The following PLRG1 variants were observed in gnomAD, a reference collection of about 807,000 sequenced individuals.
PLRG1 encodes the protein pleiotropic regulator 1.
A neutral mutation model predicts 74.9 loss-of-function variants in PLRG1; 28 were observed. The ratio of observed to expected loss-of-function variants is 0.37; its 90% CI spans 0.28 to 0.51. The LOEUF (loss-of-function observed/expected upper bound fraction) is 0.51. PLRG1 is among the 20% of genes least tolerant of loss of function. The pLI, the probability that PLRG1 is intolerant of heterozygous loss-of-function variation, is 0.91. For missense variants in PLRG1, 445 were observed against 631.9 expected (o/e 0.70, Z 3.17); for synonymous variants, 197 against 212.4 (o/e 0.93, Z 0.63).
chr4:154,542,095 G>A, intron 8 of PLRG1, 92 bp downstream of exon 8: 1 of 767,798 alleles, frequency 1.3e-6, no homozygotes, highest in Non-Finnish European at 2.3e-6. Context: ...CAGAGGAACT[G>A]CAATAGCAAT....
chr4:154,547,101 T>G (rs2111109994), intron 3 of PLRG1, 37 bp from the exon 4 acceptor site: 1 of 1,435,040 alleles, frequency 7.0e-7, no homozygotes. Flanking sequence ...GTAGTGAATT[T>G]ACCTTATACA....
rs977811845 is a variant in PLRG1 at position 154,550,305 on chromosome 4, C to A, written c.4G>T (p.Val2Phe). Residue 2 changes from valine to phenylalanine, a missense_variant, in exon 1 of 15, where the codon GTC (valine) becomes TTC (phenylalanine). Transcript: ENST00000499023. ...GAGCCCCAGTGTCACTTTACCTCGA[C>A]CATGATGCTACCGTGTATCCCACCT... is the stretch of plus-strand genomic sequence containing the variant. The part of the protein sequence containing the change: M[V>F]EEVQKHSVHT... The A allele has an allele frequency of 6.2e-7, 1 of 1,613,626 alleles. No homozygotes were observed. The highest frequency in any genetic ancestry group is 8.5e-7 in the Non-Finnish European group (1 of 1,179,570).
In PLRG1 at chr4:154,544,466, G is replaced by T; in HGVS notation, c.573C>A (p.His191Gln). The change falls in exon 7 of 15, where the codon CAC becomes CAA. Residue 191 changes from histidine to glutamine, a missense_variant. Physicochemically the swap from His to Gln is conservative, Grantham distance 24. This residue lies in a region of PLRG1 where 206 missense variants were observed against 210.8 expected (regional missense o/e 0.98). Coordinates refer to ENST00000499023, the MANE Select transcript of PLRG1 (RefSeq NM_002669.4). ...TCACCCTGTAGAGTTTCCACGGTGG[G>T]TGCCACTGGGGTTTTGGCATTGTAG... Reference protein sequence around the residue: ...KAPTMPKPQWHPPWKLYRVIS... With the variant: ...KAPTMPKPQWQPPWKLYRVIS... 6.2e-7 allele frequency: 1 copy of T among 1,604,506 alleles called. No homozygotes were observed. Among genetic ancestry groups the T allele is most frequent in the Non-Finnish European group, 8.5e-7 (1 of 1,171,380 alleles).
chr4:154,538,102 T>A lies in PLRG1; in HGVS notation c.1158A>T (p.Thr386=), dbSNP rs774090887. ...RAVVLHPRHY[T]FASGSPDNIK... ...TGTTATCTGGAGAACCAGATGCAAA[T>A]GTGTAACTGAAATAATATTAAAAAG... The change falls in exon 13 of 15, where the codon ACA becomes ACT. Residue 386 remains threonine (T), a synonymous_variant. Coordinates refer to ENST00000499023, the MANE Select transcript of PLRG1 (RefSeq NM_002669.4). The A allele has an allele frequency of 1.3e-5, 19 of 1,439,978 alleles. No individual in the cohort carries two copies. The highest frequency in any genetic ancestry group is 1.6e-5 in the Non-Finnish European group (17 of 1,056,852). 89.2% of individuals were successfully genotyped at this position (1,439,978 alleles called of 1,614,324 possible). A position where few individuals can be genotyped will look rare whatever the true frequency, so the allele number is the denominator to read the frequency against.
chr4:154,539,091 G>A lies in PLRG1; in HGVS notation c.1151+14C>T. ...TGAAGAAAAACAAGAAGCTAATTAG[G>A]AAAATACACTTACTGTCTTGGATGT... On this transcript the variant is annotated intron_variant, in intron 12 of 14. Transcript: ENST00000499023. 1 of 1,416,964 alleles carries A rather than the reference G, an allele frequency of 7.1e-7. No homozygotes were observed. The highest frequency in any genetic ancestry group is 1.0e-6 in the Non-Finnish European group (1 of 1,000,336). The allele number at this position is 1,416,964 out of a possible 1,614,324, so 87.8% of individuals were successfully genotyped here. A position where few individuals can be genotyped will look rare whatever the true frequency, so the allele number is the denominator to read the frequency against.
chr4:154,549,921 C>T (rs1729727990), intron 1 of PLRG1: 2 of 423,562 alleles, frequency 4.7e-6, no homozygotes, highest in East Asian at 1.1e-4. Flanking sequence ...TAAGAGACGA[C>T]CTGAACGCAA....
intron 6 of PLRG1, among the ~76,000 whole-genome samples, chr4:154,545,633 T>C (rs1729636806): frequency 6.6e-6 from 1 of 152,152 alleles, no homozygotes; most frequent in Admixed American, 6.5e-5. Context: ...TCAAAATATA[T>C]ATTACACACA....
chr4:154,550,383 G>C lies in PLRG1; in HGVS notation c.-75C>G, dbSNP rs981493566. The C allele has an allele frequency of 1.4e-6, 2 of 1,432,774 alleles. No individual in the cohort carries two copies. Among genetic ancestry groups the C allele is most frequent in the Admixed American group, 1.7e-5 (1 of 59,354 alleles). 88.8% of individuals were successfully genotyped at this position (1,432,774 alleles called of 1,614,324 possible). On this transcript the variant is annotated 5_prime_UTR_variant, in exon 1 of 15. Coordinates refer to ENST00000499023, the MANE Select transcript of PLRG1 (RefSeq NM_002669.4). ...ACGCAGTACCCGCCGCCACAGCTGT[G>C]CAGCACCTTCCGGAATTGGGCGCCC...
intron 14 of PLRG1, 35 bp downstream of exon 14, chr4:154,537,251 T>C: frequency 1.4e-6 from 2 of 1,389,662 alleles, no homozygotes; most frequent in Non-Finnish European, 2.0e-6. Context: ...TTGGTATAGC[T>C]GTTTTACTTA....
At chr4:154,542,136 C>T in intron 8 of PLRG1, 51 bp downstream of exon 8, 1 of 1,140,882 alleles carries the variant, frequency 8.8e-7, no homozygotes. Context: ...ACTGATTAAA[C>T]TTACATGACA....
At chr4:154,548,804 A>G (rs746609098) in intron 2 of PLRG1, 25 bp downstream of exon 2, 2 of 1,153,106 alleles carry the variant, frequency 1.7e-6, no homozygotes, top group Non-Finnish European at 2.6e-6. Context: ...TATTTTAGCA[A>G]TTGAAAAAAA....
chr4:154,536,886 G>A, intron 14 of PLRG1, 142 bp from the exon 15 acceptor site: 1 of 548,218 alleles, frequency 1.8e-6, no homozygotes, highest in East Asian at 3.0e-5. Context: ...AGGAAGAGTT[G>A]ATAAACTTCT....
rs758240486 is a variant in PLRG1, at chr4:154,540,102, T to C, written c.940-49A>G. 3 of 976,230 alleles carry C rather than the reference T, an allele frequency of 3.1e-6. No individual in the cohort carries two copies. The South Asian group carries it at 3.9e-5, about 13-fold the overall frequency. The allele number at this position is 976,230 out of a possible 1,614,324, so 60.5% of individuals were successfully genotyped here. On this transcript the variant is annotated intron_variant, in intron 10 of 14. Coordinates refer to ENST00000499023, the MANE Select transcript of PLRG1 (RefSeq NM_002669.4). ...TAGGAAAGAGAATAGGTATTCATTA[T>C]CTCAAGAAGATAACTGGATCAATTC...
chr4:154,538,100 A>T lies in PLRG1; in HGVS notation c.1160T>A (p.Phe387Tyr). ...AVVLHPRHYT[F>Y]ASGSPDNIKQ... is the part of the protein sequence containing the mutation. ...TATGTTATCTGGAGAACCAGATGCAAATGTGTAACTGAAATAATATTAAAA... is the reference window on the plus strand; with the variant it reads ...TATGTTATCTGGAGAACCAGATGCATATGTGTAACTGAAATAATATTAAAA... The change falls in exon 13 of 15, where the codon TTT (phenylalanine) becomes TAT (tyrosine). Residue 387 changes from phenylalanine to tyrosine, a missense_variant. Physicochemically the swap from Phe to Tyr is conservative, Grantham distance 22. Transcript: ENST00000499023. 1 of 1,449,462 alleles carries T rather than the reference A, an allele frequency of 6.9e-7. No homozygotes were observed. Among genetic ancestry groups the T allele is most frequent in the Non-Finnish European group, 9.4e-7 (1 of 1,062,074 alleles). 89.8% of individuals were successfully genotyped at this position (1,449,462 alleles called of 1,614,324 possible). A position where few individuals can be genotyped will look rare whatever the true frequency, so the allele number is the denominator to read the frequency against.
chr4:154,546,574 A>C (rs1407963040), intron 4 of PLRG1: 1 of 292,912 alleles, frequency 3.4e-6, no homozygotes, highest in African/African-American at 2.2e-5. Flanking sequence ...AGAAACACCC[A>C]ATTTCCCTGT....
intron 1 of PLRG1, chr4:154,549,583 ACTATTACAACAGC>A (rs1178854625): frequency 1.6e-5 from 7 of 425,278 alleles, no homozygotes; most frequent in Non-Finnish European, 3.3e-5. Flanking sequence ...GGTCTTTTAG[ACTATTACAACAGC>A]CTATATTTTG....
chr4:154,550,021 C>T (rs1484686728), intron 1 of PLRG1, among the ~76,000 whole-genome samples: 3 of 152,306 alleles, frequency 2.0e-5, no homozygotes, highest in Middle Eastern at 3.4e-3. Context: ...CCAACAGAGG[C>T]CCCGCCTCCG....
chr4:154,547,427 A>G, intron 3 of PLRG1: 1 of 504,834 alleles, frequency 2.0e-6, no homozygotes, highest in Non-Finnish European at 3.5e-6. Context: ...GTGTCCTCAC[A>G]GGTTAAGAAT....
chr4:154,539,037 C>T, intron 12 of PLRG1, 68 bp downstream of exon 12: 1 of 918,702 alleles, frequency 1.1e-6, no homozygotes, highest in South Asian at 1.3e-5. Context: ...GTGCTAACAC[C>T]ACTAGCATTT....
Sources: gnomAD v4.1 joint callset for allele counts (sites outside exome capture counted in the v4.1 genomes callset) on GRCh38, gnomAD v4.1.1 for gene constraint, gnomAD v4.1.1 regional missense constraint, MANE v1.5 for transcripts, NCBI Gene and HGNC (gene_info 2026-07-23, HGNC 2026-07-21) for gene names.